Variants in COL4A4 observed in about 807,000 individuals in gnomAD.
COL4A4 encodes collagen alpha-4(IV) chain.
Under a neutral mutation model 192.9 loss-of-function variants are expected in COL4A4, and 105 were observed. The ratio of observed to expected loss-of-function variants is 0.54; its 90% confidence interval spans 0.46 to 0.64. The LOEUF is 0.64. Among genes scored for constraint, COL4A4 ranks in the 30% least tolerant of loss-of-function variants. COL4A4 has a pLI of 0.00. For synonymous variants in COL4A4, 762 were observed against 769.9 expected, an observed-to-expected ratio of 0.99 and a Z score of 0.17; for missense variants, 1,967 against 2,169.3, an observed-to-expected ratio of 0.91 and a Z score of 1.85.
chr2:227,048,590 A>G (rs967835951), intron 34 of COL4A4, among the ~76,000 whole-genome samples: 7 of 152,180 alleles, frequency 4.6e-5, no homozygotes, highest in Non-Finnish European at 8.8e-5. Context: ...GTGAGAAACC[A>G]TGGATTGACT....
chr2:226,982,908 C>T, the COL4A4 span, among the ~76,000 whole-genome samples: 8 of 152,252 alleles, frequency 5.3e-5, no homozygotes, highest in East Asian at 5.8e-4. Context: ...TTTTAACTAA[C>T]GATTGTATTT....
At chr2:227,088,113 G>A (rs2059699806) in intron 22 of COL4A4, among the ~76,000 whole-genome samples, 1 of 152,218 alleles carries the variant, frequency 6.6e-6, no homozygotes, top group Admixed American at 6.5e-5. Context: ...ATAAGTAAAC[G>A]ATGGATGAAT....
At chr2:227,022,263 A>C (rs2149855532) in intron 43 of COL4A4, 90 bp from the exon 44 acceptor site, 3 of 1,420,154 alleles carry the variant, frequency 2.1e-6, no homozygotes, top group East Asian at 2.3e-5. Flanking sequence ...GACTTCTGAC[A>C]CTATACTGAA....
rs553849149 is a variant in COL4A4, at chr2:227,159,845, C to T, written c.-102+4162G>A. On this transcript the variant is annotated intron_variant, in intron 1 of 47. Transcript: ENST00000396625. The stretch of plus-strand genomic sequence containing the variant: ...ATAAATTACCCAGTCTCAGGTGATT[C>T]TTCATGGCAGTATGAGAACAGACTA... Among the ~76,000 whole-genome samples the T allele has an allele frequency of 3.9e-5, 6 of 152,310 alleles. No homozygotes were observed. The East Asian group carries it at 1.2e-3, about 29-fold the overall frequency.
At chr2:227,060,347 T>C in intron 26 of COL4A4, 104 bp from the exon 27 acceptor site, 2 of 796,344 alleles carry the variant, frequency 2.5e-6, no homozygotes, top group East Asian at 2.6e-5. Flanking sequence ...TTTAGAATAT[T>C]TCTACTTTAT....
At chr2:227,132,364 T>C (rs2062532396) in intron 4 of COL4A4, among the ~76,000 whole-genome samples, 1 of 152,190 alleles carries the variant, frequency 6.6e-6, no homozygotes, top group African/African-American at 2.4e-5. Context: ...CTTTCTTCTT[T>C]ACGACTGAGG....
intron 44 of COL4A4, among the ~76,000 whole-genome samples, chr2:227,018,965 A>C (rs35617842): frequency 0.12 from 18,592 of 152,276 alleles, 1,240 homozygotes; most frequent in African/African-American, 0.16. Flanking sequence ...TCAAGTGTAA[A>C]GAATTGACCC....
intron 43 of COL4A4, among the ~76,000 whole-genome samples, chr2:227,024,762 A>G (rs999354886): frequency 2.0e-5 from 3 of 152,268 alleles, no homozygotes; most frequent in African/African-American, 7.2e-5. Flanking sequence ...TATTTTTATA[A>G]TAAGTACAGT....
chr2:227,114,731 A>C (rs1440143477), intron 7 of COL4A4, 35 bp from the exon 8 acceptor site: 1 of 1,469,128 alleles, frequency 6.8e-7, no homozygotes, highest in Non-Finnish European at 9.5e-7. Context: ...TAACAGGAAA[A>C]TAGCATATTA....
the COL4A4 span, chr2:226,997,192 A>G: frequency 1.3e-5 from 2 of 152,214 alleles, no homozygotes; most frequent in African/African-American, 2.4e-5. Flanking sequence ...TATAACTGAT[A>G]TAAAACTACA....
chr2:227,043,628 G>A (rs1971889657), intron 35 of COL4A4, among the ~76,000 whole-genome samples: 1 of 151,970 alleles, frequency 6.6e-6, no homozygotes, highest in South Asian at 2.1e-4. Flanking sequence ...TGTCAATTTT[G>A]TTTCTCCTAT....
At chr2:226,994,808 T>C in the COL4A4 span, among the ~76,000 whole-genome samples, 1 of 152,196 alleles carries the variant, frequency 6.6e-6, no homozygotes, top group Non-Finnish European at 1.5e-5. Flanking sequence ...TTTGGTAAGT[T>C]TGCATCCCTA....
At chr2:227,113,867 CA>C (rs898165291) in intron 8 of COL4A4, among the ~76,000 whole-genome samples, 2 of 152,140 alleles carry the variant, frequency 1.3e-5, no homozygotes, top group African/African-American at 4.8e-5. Flanking sequence ...CTAATTGCTG[CA>C]GAATATTCTT....
intron 44 of COL4A4, among the ~76,000 whole-genome samples, chr2:227,020,640 C>CA (rs1575800413): frequency 1.3e-5 from 2 of 151,662 alleles, no homozygotes; most frequent in East Asian, 1.9e-4. Context: ...GTCCCTGAAC[C>CA]AAAAAAAGTC....
the COL4A4 span, among the ~76,000 whole-genome samples, chr2:226,971,992 C>T: frequency 2.0e-5 from 3 of 151,820 alleles, no homozygotes; most frequent in South Asian, 2.1e-4. Context: ...ACATGTGCCA[C>T]GGTGGTTTGC....
chr2:227,087,438 G>A (rs55635053), intron 22 of COL4A4, among the ~76,000 whole-genome samples: 48,221 of 151,888 alleles, frequency 0.32, 8,869 homozygotes, highest in South Asian at 0.41. Flanking sequence ...TCCTTCCATC[G>A]CCTTCCCATC....
intron 19 of COL4A4, among the ~76,000 whole-genome samples, chr2:227,098,414 A>C (rs1343899195): frequency 6.6e-6 from 1 of 152,136 alleles, no homozygotes; most frequent in African/African-American, 2.4e-5. Context: ...GCAGCTGAGA[A>C]ACCTGTATTC....
intron 4 of COL4A4, among the ~76,000 whole-genome samples, chr2:227,125,463 C>G (rs923284685): frequency 1.3e-5 from 2 of 152,020 alleles, no homozygotes; most frequent in African/African-American, 4.8e-5. Flanking sequence ...CCTGCCTTGG[C>G]CTCCCAAAGT....
rs1419576188 is a variant in COL4A4, at chr2:227,059,454, C to T, written c.2334G>A (p.Val778=). ...GPPGKRGLSG[V]PGIKGPRGDP... is the part of the protein sequence containing the mutation. Reference sequence around the variant, plus strand: ...CACCTCTGGGTCCTTTTATCCCTGGCACTCCTGAAAGACCCCTCTTTCCCG... The same window carrying T: ...CACCTCTGGGTCCTTTTATCCCTGGTACTCCTGAAAGACCCCTCTTTCCCG... Residue 778 remains valine (V), a synonymous_variant, in exon 28 of 48, where the codon GTG becomes GTA. Transcript: ENST00000396625. 3 of 1,614,078 alleles carry T rather than the reference C, an allele frequency of 1.9e-6. No homozygotes were observed. The South Asian group carries it at 3.3e-5, about 18-fold the overall frequency.
Sources: gnomAD v4.1 joint callset for allele counts (sites outside exome capture counted in the v4.1 genomes callset) on GRCh38, gnomAD v4.1.1 for gene constraint, MANE v1.5 for transcripts, NCBI Gene and HGNC (gene_info 2026-07-23, HGNC 2026-07-21) for gene names.